Variants in WWP2 observed in about 807,000 individuals in gnomAD.
The protein encoded by WWP2 is NEDD4-like E3 ubiquitin-protein ligase WWP2.
Under a neutral mutation model 121.0 loss-of-function variants are expected in WWP2, and 57 were observed. The observed-to-expected ratio is 0.47, with a 90% confidence interval of 0.38 to 0.59. WWP2 has a LOEUF of 0.59. WWP2 is among the 20% of genes least tolerant of loss of function. WWP2 has a pLI of 0.00. For missense variants in WWP2, 962 were observed against 1,158.9 expected, an observed-to-expected ratio of 0.83 and a Z score of 2.47; for synonymous variants, 449 against 441.3, an observed-to-expected ratio of 1.02 and a Z score of -0.22.
At chr16:69,839,115 C>CA (rs1392649729) in intron 4 of WWP2, among the ~76,000 whole-genome samples, 9 of 126,560 alleles carry the variant, frequency 7.1e-5, no homozygotes, top group Admixed American at 3.4e-4. Context: ...AGCTTATAAT[C>CA]ATGCAGTAGC....
intron 1 of WWP2, among the ~76,000 whole-genome samples, chr16:69,770,694 C>G (rs981348935): frequency 6.6e-6 from 1 of 152,058 alleles, no homozygotes; most frequent in African/African-American, 2.4e-5. Context: ...CAGGGGCAGT[C>G]TTGGGGAACT....
intron 16 of WWP2, among the ~76,000 whole-genome samples, chr16:69,932,342 A>T (rs1418371677): frequency 6.6e-6 from 1 of 152,226 alleles, no homozygotes; most frequent in Non-Finnish European, 1.5e-5. Flanking sequence ...AAAACAAAAC[A>T]AACAAAAAAA....
intron 9 of WWP2, chr16:69,909,652 C>T (rs1410315725): frequency 2.0e-6 from 2 of 985,374 alleles, no homozygotes; most frequent in Non-Finnish European, 2.4e-6. Flanking sequence ...GTGTTTTCCA[C>T]TTTGACTTGA....
rs1398156823 is a variant in WWP2 at position 69,876,335 on chromosome 16, T to C, written c.703+4404T>C. 4.6e-5 allele frequency among the ~76,000 whole-genome samples: 7 copies of C among 151,844 alleles called. 1 individual carries two copies. Among genetic ancestry groups the C allele is most frequent in the African/African-American group, 1.7e-4 (7 of 41,286 alleles). ...GCCTTATAAAATGTATTTGGTTTTTTTGGGGCATGTTTTTTGGGGTTTTTT... is the reference window on the plus strand; with the variant it reads ...GCCTTATAAAATGTATTTGGTTTTTCTGGGGCATGTTTTTTGGGGTTTTTT... On this transcript the variant is annotated intron_variant, in intron 7 of 23. Transcript: ENST00000359154.
At chr16:69,931,647 G>T (rs557663990) in intron 15 of WWP2, 67 bp downstream of exon 15, 67 of 1,604,042 alleles carry the variant, frequency 4.2e-5, no homozygotes, top group South Asian at 3.0e-4. Flanking sequence ...ATCTCCTATC[G>T]CGTGGCCTGT....
At chr16:69,834,388 T>C (rs947165188) in intron 4 of WWP2, among the ~76,000 whole-genome samples, 4 of 152,184 alleles carry the variant, frequency 2.6e-5, no homozygotes, top group African/African-American at 9.7e-5. Flanking sequence ...TGCTCAATTG[T>C]CACCTTCCCA....
intron 6 of WWP2, among the ~76,000 whole-genome samples, chr16:69,849,385 A>G (rs1277990114): frequency 6.6e-6 from 1 of 152,118 alleles, no homozygotes; most frequent in East Asian, 1.9e-4. Flanking sequence ...TCAGCAGGAA[A>G]GTCCTCCCAT....
At chr16:69,877,766 C>T (rs1023731429) in intron 7 of WWP2, among the ~76,000 whole-genome samples, 3 of 151,856 alleles carry the variant, frequency 2.0e-5, no homozygotes, top group African/African-American at 4.8e-5. Flanking sequence ...GTGGTGGAGC[C>T]GTCAGAACAC....
intron 10 of WWP2, among the ~76,000 whole-genome samples, chr16:69,923,656 C>T (rs2058597163): frequency 6.6e-6 from 1 of 152,196 alleles, no homozygotes; most frequent in South Asian, 2.1e-4. Context: ...AGACCTGAAG[C>T]AGCAAACACT....
At chr16:69,931,310 C>A in intron 14 of WWP2, 83 bp downstream of exon 14, 2 of 1,568,340 alleles carry the variant, frequency 1.3e-6, no homozygotes, top group Non-Finnish European at 1.8e-6. Flanking sequence ...CAGCAGGTAT[C>A]GGAATGTTTG....
rs1045003947 is a variant in WWP2 at position 69,935,427 on chromosome 16, G to T, written c.1843-426G>T. Among the ~76,000 whole-genome samples, 3 of 152,232 alleles carry T rather than the reference G, an allele frequency of 2.0e-5. No individual in the cohort carries two copies. Among genetic ancestry groups the T allele is most frequent in the Admixed American group, 1.3e-4 (2 of 15,290 alleles). On this transcript the variant is annotated intron_variant, in intron 17 of 23. Coordinates refer to ENST00000359154, the MANE Select transcript of WWP2 (RefSeq NM_001270454.2). This position sits in a 1 kb window ranked among gnomAD's most constrained non-coding sequence, Gnocchi z 5.2. ...TGGCCGCCAGCTCTCGCTGTCGGCG[G>T]TGTCTGCATTATTTTTGGCTGCCTT...
At chr16:69,892,288 C>G (rs1468185641) in intron 8 of WWP2, among the ~76,000 whole-genome samples, 2 of 151,808 alleles carry the variant, frequency 1.3e-5, no homozygotes, top group African/African-American at 4.8e-5. Context: ...GTTTGCTGTA[C>G]CCATCAACCT....
At chr16:69,820,395 C>T (rs186253886) in intron 4 of WWP2, among the ~76,000 whole-genome samples, 155 of 152,224 alleles carry the variant, frequency 1.0e-3, no homozygotes, top group Non-Finnish European at 1.7e-3. Flanking sequence ...GCATGTGCCA[C>T]TGTGCTTGGC....
At chr16:69,873,005 C>T (rs2057669099) in intron 7 of WWP2, among the ~76,000 whole-genome samples, 2 of 152,178 alleles carry the variant, frequency 1.3e-5, no homozygotes, top group Admixed American at 1.3e-4. Flanking sequence ...TCATTTCGGG[C>T]AGTTGGGCTG....
chr16:69,913,000 T>A (rs1372472115), intron 9 of WWP2, among the ~76,000 whole-genome samples: 18 of 2,060 alleles, frequency 8.7e-3, no homozygotes, highest in Non-Finnish European at 0.011. Context: ...ATATATTTTT[T>A]TTTTTTTTTT....
chr16:69,870,300 T>A (rs1456221437), intron 6 of WWP2, among the ~76,000 whole-genome samples: 1 of 30,122 alleles, frequency 3.3e-5, no homozygotes, highest in Admixed American at 4.2e-4. Context: ...TATTTATCCT[T>A]TTTTTTTTTT....
rs191381804 is a variant in WWP2, at chr16:69,883,860, A to G, written c.704-4179A>G. On this transcript the variant is annotated intron_variant, in intron 7 of 23. Coordinates refer to ENST00000359154, the MANE Select transcript of WWP2 (RefSeq NM_001270454.2). The stretch of plus-strand genomic sequence containing the variant: ...TTCCTAACTAGATTTGCAGCTGCAT[A>G]AACAGTCAGATCCGAGTAGTGTTGA... Among the ~76,000 whole-genome samples the G allele has an allele frequency of 2.6e-5, 4 of 152,296 alleles. No individual in the cohort carries two copies. In the East Asian group the frequency reaches 7.7e-4, roughly 29 times the overall value.
chr16:69,868,712 T>C (rs879644437), intron 6 of WWP2, among the ~76,000 whole-genome samples: 10 of 151,788 alleles, frequency 6.6e-5, no homozygotes, highest in Non-Finnish European at 1.2e-4. Context: ...CACACAGATA[T>C]ACACACATAC....
chr16:69,846,059 A>AAAAAAAAAAAAAAAAAAAAAAAAAAG, intron 6 of WWP2, among the ~76,000 whole-genome samples: 1 of 149,098 alleles, frequency 6.7e-6, no homozygotes, highest in Non-Finnish European at 1.5e-5. Context: ...CAAAAAAAAA[A>AAAAAAAAAAAAAAAAAAAAAAAAAAG]AAAAAAAAAA....
Sources: gnomAD v4.1 joint callset for allele counts (sites outside exome capture counted in the v4.1 genomes callset) on GRCh38, gnomAD v4.1.1 for gene constraint, Gnocchi (gnomAD v3.1) non-coding constraint, MANE v1.5 for transcripts, NCBI Gene and HGNC (gene_info 2026-07-23, HGNC 2026-07-21) for gene names.